NECTIN3: variants seen among roughly 807,000 people sequenced by gnomAD.
NECTIN3 encodes the protein nectin cell adhesion molecule 3.
NECTIN3 carries 8 observed loss-of-function variants against 49.4 expected under a neutral mutation model. The ratio of observed to expected loss-of-function variants is 0.16; its 90% CI spans 0.10 to 0.29. The LOEUF (loss-of-function observed/expected upper bound fraction) is 0.29, where lower values mean the gene tolerates loss of function less well. NECTIN3 is among the 10% of genes least tolerant of loss of function. The pLI, the probability that NECTIN3 is intolerant of heterozygous loss-of-function variation, is 1.00. For synonymous variants in NECTIN3, 277 were observed against 241.1 expected (o/e 1.15, Z -1.38); for missense variants, 581 against 654.6 (o/e 0.89, Z 1.23).
intron 1 of NECTIN3, among the ~76,000 whole-genome samples, chr3:111,101,405 T>C (rs1172981151): frequency 6.6e-6 from 1 of 152,186 alleles, no homozygotes; most frequent in African/African-American, 2.4e-5. Flanking sequence ...TTAGTGTTAA[T>C]GTGTAGAAAA....
chr3:111,128,076 AC>A (rs1302992724), intron 5 of NECTIN3, among the ~76,000 whole-genome samples: 3 of 152,092 alleles, frequency 2.0e-5, no homozygotes, highest in Non-Finnish European at 2.9e-5. Context: ...GGTGGCTCAC[AC>A]CTGTAATCCC....
At chr3:111,171,938 A>G (rs1271588558) in intron 7 of NECTIN3, among the ~76,000 whole-genome samples, 1 of 152,234 alleles carries the variant, frequency 6.6e-6, no homozygotes, top group Admixed American at 6.5e-5. Flanking sequence ...ATTTTTACTG[A>G]CAAGAGTTAC....
chr3:111,092,656 T>C (rs1038488025), intron 1 of NECTIN3, among the ~76,000 whole-genome samples: 6 of 152,206 alleles, frequency 3.9e-5, no homozygotes, highest in Admixed American at 3.9e-4. Flanking sequence ...ATATGTCTTC[T>C]TATTCTAGTG....
chr3:111,144,975 T>C, exon 6 of NECTIN3: 8 of 1,536,450 alleles, frequency 5.2e-6, no homozygotes, highest in Non-Finnish European at 7.0e-6. Flanking sequence ...TTTTCATCAT[T>C]GCTATCTTTG....
chr3:111,163,170 C>T (rs559657001), intron 7 of NECTIN3, among the ~76,000 whole-genome samples: 3 of 152,270 alleles, frequency 2.0e-5, no homozygotes, highest in South Asian at 2.1e-4. Flanking sequence ...TTTACACTAC[C>T]ACTGCCCAAG....
In NECTIN3 at chr3:111,136,148, T is replaced by A. The variant is rs1223560028; in HGVS notation, c.*1933T>A. 2.0e-6 allele frequency: 2 copies of A among 982,512 alleles called. No individual in the cohort carries two copies. Among genetic ancestry groups the A allele is most frequent in the South Asian group, 4.7e-5 (1 of 21,230 alleles). The allele number at this position is 982,512 out of a possible 1,614,324, so 60.9% of individuals were successfully genotyped here. The stretch of plus-strand genomic sequence containing the variant: ...AAAGATGTAAAACTATGGCTTTTTT[T>A]AAAATCAAAATTTCATCTTTTAAAA... On this transcript the variant is annotated 3_prime_UTR_variant, in exon 6 of 6. Coordinates refer to ENST00000485303, the MANE Select transcript of NECTIN3 (RefSeq NM_015480.3).
upstream of NECTIN3, among the ~76,000 whole-genome samples, chr3:111,188,838 G>T (rs1160909227): frequency 6.6e-6 from 1 of 152,098 alleles, no homozygotes; most frequent in Non-Finnish European, 1.5e-5. Flanking sequence ...TTATTTTCCG[G>T]TCATGTTAAA....
intron 1 of NECTIN3, among the ~76,000 whole-genome samples, chr3:111,192,879 A>C (rs1482799119): frequency 6.6e-6 from 1 of 152,200 alleles, no homozygotes; most frequent in East Asian, 1.9e-4. Flanking sequence ...TGCTTAAGAG[A>C]CTTCTGAGGT....
chr3:111,072,716 C>T (rs1055830084), intron 1 of NECTIN3: 35 of 820,372 alleles, frequency 4.3e-5, no homozygotes, highest in Middle Eastern at 3.3e-4. Flanking sequence ...CTTGTGCCCA[C>T]TCCCCCGGCT....
chr3:111,130,177 C>T (rs1470832200), intron 5 of NECTIN3, among the ~76,000 whole-genome samples: 3 of 151,738 alleles, frequency 2.0e-5, no homozygotes, highest in African/African-American at 7.3e-5. Context: ...AGGATGGTCT[C>T]GATCTCCTGA....
intron 7 of NECTIN3, among the ~76,000 whole-genome samples, chr3:111,172,247 A>G (rs1435077957): frequency 1.3e-5 from 2 of 152,088 alleles, no homozygotes; most frequent in African/African-American, 4.8e-5. Context: ...TTCCAGCTCC[A>G]CATACACTCA....
chr3:111,144,208 G>A (rs2034818611), intron 5 of NECTIN3, among the ~76,000 whole-genome samples: 1 of 151,922 alleles, frequency 6.6e-6, no homozygotes, highest in African/African-American at 2.4e-5. Context: ...TTAAAAAATT[G>A]TGGTGCAGTG....
At chr3:111,159,193 A>G (rs1012189000) in intron 7 of NECTIN3, among the ~76,000 whole-genome samples, 28 of 152,100 alleles carry the variant, frequency 1.8e-4, no homozygotes, top group African/African-American at 6.3e-4. Flanking sequence ...TTTTTGCTCT[A>G]GTAGATTTAT....
At position 111,080,669 on chromosome 3, in the gene NECTIN3, T is replaced by C. The variant is rs1017374806; in HGVS notation, c.160+8492T>C. Among the ~76,000 whole-genome samples, 6 of 99,870 alleles carry C rather than the reference T, an allele frequency of 6.0e-5. No individual in the cohort carries two copies. In the East Asian group the frequency reaches 2.0e-3, roughly 33 times the overall value. 65.5% of individuals were successfully genotyped at this position (99,870 alleles called of 152,430 possible). On this transcript the variant is annotated intron_variant, in intron 1 of 5. Coordinates refer to ENST00000485303, the MANE Select transcript of NECTIN3 (RefSeq NM_015480.3). ...AAAGTTTAGTCACAGTTAATCTATA[T>C]ATGTCATGCAAAAAAAAAAAAAAAG... is the stretch of plus-strand genomic sequence containing the variant.
At chr3:111,078,531 G>T (rs967449502) in intron 1 of NECTIN3, among the ~76,000 whole-genome samples, 1 of 151,950 alleles carries the variant, frequency 6.6e-6, no homozygotes, top group Non-Finnish European at 1.5e-5. Context: ...GTTTATTAAT[G>T]GTCTAAGAAA....
intron 1 of NECTIN3, 114 bp from the exon 2 acceptor site, chr3:111,111,915 GT>G: frequency 1.6e-6 from 1 of 625,054 alleles, no homozygotes; most frequent in South Asian, 2.0e-5. Flanking sequence ...GTGTGTGTGT[GT>G]GTGTGTGTGT....
At chr3:111,127,587 G>C (rs1359384395) in intron 5 of NECTIN3, among the ~76,000 whole-genome samples, 15 of 149,398 alleles carry the variant, frequency 1.0e-4, no homozygotes, top group Non-Finnish European at 1.8e-4. Flanking sequence ...TTTGAGACGT[G>C]GTCTCGCTGT....
rs919420033 is a variant in NECTIN3, at chr3:111,072,688, C to T, written c.160+511C>T. 1.0e-5 allele frequency: 11 copies of T among 1,080,602 alleles called. No individual in the cohort carries two copies. The African/African-American group carries it at 1.6e-4, about 16-fold the overall frequency. The allele number at this position is 1,080,602 out of a possible 1,614,324, so 66.9% of individuals were successfully genotyped here. On this transcript the variant is annotated intron_variant, in intron 1 of 5. Transcript: ENST00000485303. ...GCCCACCCAGCCGCAGAATCCCCTA[C>T]AGCTAGTTTTCTTCTGTCTTGTGCC...
At position 111,136,231 on chromosome 3, in the gene NECTIN3, T is replaced by C; in HGVS notation, c.*2016T>C. The C allele has an allele frequency of 1.0e-6, 1 of 961,654 alleles. No homozygotes were observed. The highest frequency in any genetic ancestry group is 1.2e-6 in the Non-Finnish European group (1 of 808,520). 59.6% of individuals were successfully genotyped at this position (961,654 alleles called of 1,614,324 possible). The stretch of plus-strand genomic sequence containing the variant: ...GAATAATCACATTTAGGATTCTATA[T>C]AAATCTCAACTGGAGTATAATCTGA... On this transcript the variant is annotated 3_prime_UTR_variant, in exon 6 of 6. Coordinates refer to ENST00000485303, the MANE Select transcript of NECTIN3 (RefSeq NM_015480.3).
Sources: allele counts gnomAD v4.1 joint callset (sites outside exome capture counted in the v4.1 genomes callset), GRCh38; gene constraint gnomAD v4.1.1; transcripts MANE v1.5; gene names NCBI Gene and HGNC (gene_info 2026-07-23, HGNC 2026-07-21).